ARFIP1: variants seen among roughly 807,000 people sequenced by gnomAD.
ARFIP1 encodes the protein arfaptin-1.
In ARFIP1, 24 loss-of-function variants were observed where a neutral mutation model predicts 42.5. That is an observed-to-expected ratio of 0.57 (90% CI 0.41 to 0.80). The LOEUF (loss-of-function observed/expected upper bound fraction) is 0.80, where lower values mean the gene tolerates loss of function less well. Ranked by LOEUF, ARFIP1 falls within the 30% of genes least tolerant of loss-of-function variation. The pLI is 0.00. For missense variants in ARFIP1, 354 were observed against 434.0 expected, an observed-to-expected ratio of 0.82 and a Z score of 1.64; for synonymous variants, 141 against 153.7, an observed-to-expected ratio of 0.92 and a Z score of 0.61.
intron 1 of ARFIP1, among the ~76,000 whole-genome samples, chr4:152,803,262 CT>C (rs1214319658): frequency 6.6e-6 from 1 of 152,158 alleles, no homozygotes; most frequent in African/African-American, 2.4e-5. Context: ...GGAAGCTGTT[CT>C]CCCCCAGTGC....
At chr4:152,900,330 CCTG>C (rs1344182913) in intron 8 of ARFIP1, among the ~76,000 whole-genome samples, 4 of 152,166 alleles carry the variant, frequency 2.6e-5, no homozygotes, top group African/African-American at 9.7e-5. Context: ...AGTTCTGTGA[CCTG>C]CTGTTACTGG....
At chr4:152,813,100 T>A (rs571240596) in intron 1 of ARFIP1, among the ~76,000 whole-genome samples, 1 of 152,210 alleles carries the variant, frequency 6.6e-6, no homozygotes, top group Admixed American at 6.5e-5. Context: ...CAACCTTGGA[T>A]TGAAAATATT....
chr4:152,804,488 T>TTA (rs201569210), intron 1 of ARFIP1, among the ~76,000 whole-genome samples: 26,917 of 90,462 alleles, frequency 0.3, 6,607 homozygotes, highest in Admixed American at 0.42. Flanking sequence ...TATATATTAT[T>TTA]TATATATATA....
chr4:152,809,844 T>C (rs1004224164), intron 1 of ARFIP1: 35 of 152,324 alleles, frequency 2.3e-4, no homozygotes, highest in African/African-American at 7.9e-4. Context: ...CTATTACAAA[T>C]GCACTCTTTC....
Position 152,841,882 on chromosome 4 carries a change from C to T in ARFIP1, c.93+12156C>T, listed in dbSNP as rs116805806. On this transcript the variant is annotated intron_variant, in intron 2 of 8. Transcript: ENST00000353617. ...GCTCCGATGTTAATGACATCGAAGG[C>T]ACCCGTCTCGAGGAAATCTCAACTG... Among the ~76,000 whole-genome samples the T allele has an allele frequency of 9.4e-3, 1,432 of 152,234 alleles. 18 individuals are homozygous for T. The highest frequency in any genetic ancestry group is 0.015 in the Non-Finnish European group (996 of 68,000).
At chr4:152,814,542 C>A (rs747736523) in intron 1 of ARFIP1, among the ~76,000 whole-genome samples, 29 of 152,012 alleles carry the variant, frequency 1.9e-4, no homozygotes, top group Non-Finnish European at 3.7e-4. Flanking sequence ...ACACCCTGGT[C>A]TCTACAAAAA....
intron 2 of ARFIP1, among the ~76,000 whole-genome samples, chr4:152,840,639 T>G (rs1054519823): frequency 2.6e-5 from 4 of 152,152 alleles, no homozygotes; most frequent in African/African-American, 9.7e-5. Context: ...TCTGAGTCCT[T>G]ATGTGTTAGG....
chr4:152,868,920 CTATT>C (rs1460273119), intron 3 of ARFIP1, among the ~76,000 whole-genome samples: 2 of 152,132 alleles, frequency 1.3e-5, no homozygotes, highest in African/African-American at 4.8e-5. Context: ...TAATAAGAAA[CTATT>C]TTAACTTCTC....
chr4:152,893,836 C>A (rs554290045), intron 8 of ARFIP1, among the ~76,000 whole-genome samples: 100 of 152,238 alleles, frequency 6.6e-4, no homozygotes, highest in Admixed American at 1.5e-3. Flanking sequence ...AATTTATAGT[C>A]ATTCCTAATC....
intron 8 of ARFIP1, among the ~76,000 whole-genome samples, chr4:152,903,063 AATTATTTCAAT>A (rs1303850495): frequency 3.3e-5 from 5 of 152,346 alleles, no homozygotes; most frequent in African/African-American, 1.2e-4. Flanking sequence ...TTTAATTGGT[AATTATTTCAAT>A]GTATTTAATA....
chr4:152,837,582 A>G (rs1731755772), intron 2 of ARFIP1, among the ~76,000 whole-genome samples: 1 of 152,114 alleles, frequency 6.6e-6, no homozygotes, highest in African/African-American at 2.4e-5. Context: ...TCTTCTTTTG[A>G]GAATTGTCTA....
intron 2 of ARFIP1, among the ~76,000 whole-genome samples, chr4:152,862,693 G>A (rs1386839245): frequency 6.6e-6 from 1 of 152,088 alleles, no homozygotes; most frequent in African/African-American, 2.4e-5. Flanking sequence ...ATTTAATAAA[G>A]GTAAATAGAA....
rs1367792776 is a variant in ARFIP1, at chr4:152,888,296, G to A, written c.955G>A (p.Glu319Lys). The change falls in exon 8 of 9, where the codon GAA becomes AAA. Residue 319 changes from glutamate to lysine, a missense_variant. Coordinates refer to ENST00000353617, the MANE Select transcript of ARFIP1 (RefSeq NM_001025595.3). ...NDVSVKLKFL[E>K]ENKVKVLHNQ... ...TGTTTCTGTCAAATTGAAATTTCTA[G>A]AAGAAAATAAGGTAAATTCTTTACC... 2.5e-6 allele frequency: 4 copies of A among 1,602,496 alleles called. No homozygotes were observed. Among genetic ancestry groups the A allele is most frequent in the South Asian group, 1.1e-5 (1 of 89,500 alleles).
rs1738893972 is a variant in ARFIP1 at position 152,912,133 on chromosome 4, A to G, written c.*1914A>G. On this transcript the variant is annotated 3_prime_UTR_variant, in exon 9 of 9. Coordinates refer to ENST00000353617, the MANE Select transcript of ARFIP1 (RefSeq NM_001025595.3). ...AGTTACTGTAGCTAAGGAGCTAAATAGTTTCATGGATTAATTTTTTTCAGA... is the reference window on the plus strand; with the variant it reads ...AGTTACTGTAGCTAAGGAGCTAAATGGTTTCATGGATTAATTTTTTTCAGA... 1 of 152,198 alleles carries G rather than the reference A, an allele frequency of 6.6e-6. No individual in the cohort carries two copies. Among genetic ancestry groups the G allele is most frequent in the Admixed American group, 6.5e-5 (1 of 15,286 alleles). 9.4% of individuals were successfully genotyped at this position (152,198 alleles called of 1,614,324 possible).
intron 1 of ARFIP1, among the ~76,000 whole-genome samples, chr4:152,802,468 C>T (rs1728501645): frequency 1.3e-5 from 2 of 152,056 alleles, no homozygotes; most frequent in Non-Finnish European, 2.9e-5. Flanking sequence ...TAGTTAATAA[C>T]CTGAACATTG....
intron 1 of ARFIP1, among the ~76,000 whole-genome samples, chr4:152,798,405 G>A (rs781514027): frequency 3.4e-4 from 52 of 152,188 alleles, no homozygotes; most frequent in Non-Finnish European, 6.0e-4. Flanking sequence ...GAGAAATTAC[G>A]TCCTAATTCT....
intron 1 of ARFIP1, among the ~76,000 whole-genome samples, chr4:152,827,136 ATAGG>A (rs1449698285): frequency 6.6e-6 from 1 of 152,222 alleles, no homozygotes; most frequent in African/African-American, 2.4e-5. Context: ...AACTATACAC[ATAGG>A]TTAAGATGGT....
intron 1 of ARFIP1, among the ~76,000 whole-genome samples, chr4:152,792,699 A>G (rs145903198): frequency 1.7e-4 from 26 of 152,326 alleles, no homozygotes; most frequent in African/African-American, 6.3e-4. Context: ...GGTGCTAAGA[A>G]GACCTTAAAT....
Position 152,910,293 on chromosome 4 carries a change from T to G in ARFIP1, c.*74T>G, listed in dbSNP as rs1738742533. The stretch of plus-strand genomic sequence containing the variant: ...CAACCTAACAAGAATTAAGCAGAGT[T>G]GGGGGAAGTGGGAGGGGTGACAAGC... On this transcript the variant is annotated 3_prime_UTR_variant, in exon 9 of 9. Coordinates refer to ENST00000353617, the MANE Select transcript of ARFIP1 (RefSeq NM_001025595.3). 3 of 1,502,058 alleles carry G rather than the reference T, an allele frequency of 2.0e-6. No individual in the cohort carries two copies. The highest frequency in any genetic ancestry group is 2.8e-5 in the African/African-American group (2 of 71,566). The allele number at this position is 1,502,058 out of a possible 1,614,324, so 93.0% of individuals were successfully genotyped here.
Sources: allele counts gnomAD v4.1 joint callset (sites outside exome capture counted in the v4.1 genomes callset), GRCh38; gene constraint gnomAD v4.1.1; transcripts MANE v1.5; gene names NCBI Gene and HGNC (gene_info 2026-07-23, HGNC 2026-07-21).